The following ATG5 variants were observed in gnomAD, a reference collection of about 807,000 sequenced individuals.
ATG5 encodes the protein autophagy protein 5.
Under a neutral mutation model 36.5 loss-of-function variants are expected in ATG5, and 14 were observed. The ratio of observed to expected loss-of-function variants is 0.38; its 90% confidence interval spans 0.25 to 0.60. ATG5 has a LOEUF of 0.60. ATG5 is among the 20% of genes least tolerant of loss of function. The probability of loss-of-function intolerance (pLI) is 0.60; values close to 1 mark genes in which losing one functional copy is unlikely to be tolerated. For missense variants in ATG5, 195 were observed against 326.7 expected, an observed-to-expected ratio of 0.60 and a Z score of 3.11; for synonymous variants, 95 against 101.5, an observed-to-expected ratio of 0.94 and a Z score of 0.38.
chr6:106,264,732 C>G (rs1276458193), intron 5 of ATG5, among the ~76,000 whole-genome samples: 1 of 152,148 alleles, frequency 6.6e-6, no homozygotes, highest in African/African-American at 2.4e-5. Context: ...AATTTCATAT[C>G]CAGCCAAACT....
At chr6:106,229,433 AGAGGAGAGAGAGAGAGACAGG>A (rs1470643037) in intron 6 of ATG5, among the ~76,000 whole-genome samples, 1 of 150,000 alleles carries the variant, frequency 6.7e-6, no homozygotes, top group East Asian at 1.9e-4. Flanking sequence ...AGAGAGACAG[AGAGGAGAGAGAGAGAGACAGG>A]GAGGACAGGG....
intron 7 of ATG5, among the ~76,000 whole-genome samples, chr6:106,190,237 G>A (rs1339325101): frequency 2.0e-5 from 3 of 152,158 alleles, no homozygotes; most frequent in Non-Finnish European, 4.4e-5. Context: ...CTGGAGGCTG[G>A]AAAATCCAAG....
intron 6 of ATG5, among the ~76,000 whole-genome samples, chr6:106,239,443 TA>T (rs1385012561): frequency 1.3e-5 from 2 of 152,208 alleles, no homozygotes; most frequent in Non-Finnish European, 2.9e-5. Context: ...TTTCCATCTC[TA>T]ATCAGACAGG....
intron 4 of ATG5, among the ~76,000 whole-genome samples, chr6:106,291,523 CG>C (rs1332904091): frequency 6.6e-6 from 1 of 151,902 alleles, no homozygotes; most frequent in Non-Finnish European, 1.5e-5. Context: ...TTCAGGAACC[CG>C]ACACACAGAA....
At chr6:106,227,055 TA>T (rs1238602081) in intron 6 of ATG5, among the ~76,000 whole-genome samples, 1 of 151,988 alleles carries the variant, frequency 6.6e-6, no homozygotes, top group Non-Finnish European at 1.5e-5. Context: ...ATAATGGCCC[TA>T]AACTTCCCGA....
At chr6:106,276,103 T>G (rs1423671517) in intron 5 of ATG5, among the ~76,000 whole-genome samples, 2 of 152,232 alleles carry the variant, frequency 1.3e-5, no homozygotes, top group African/African-American at 4.8e-5. Flanking sequence ...ACAAACTGTA[T>G]TAGTGTTTCA....
At chr6:106,319,752 C>T (rs12526668) in intron 1 of ATG5, among the ~76,000 whole-genome samples, 11,402 of 152,176 alleles carry the variant, frequency 0.075, 731 homozygotes, top group Admixed American at 0.22. Flanking sequence ...TAATAGATTC[C>T]GTTAGGGAGA....
intron 3 of ATG5, among the ~76,000 whole-genome samples, chr6:106,302,711 A>C (rs987244560): frequency 3.3e-5 from 5 of 152,034 alleles, no homozygotes; most frequent in African/African-American, 9.7e-5. Flanking sequence ...ACTACAATAG[A>C]ATCAAACTAG....
chr6:106,215,887 A>G (rs755274802), intron 6 of ATG5, among the ~76,000 whole-genome samples: 6 of 152,230 alleles, frequency 3.9e-5, no homozygotes, highest in Non-Finnish European at 7.3e-5. Flanking sequence ...GAATATGTAA[A>G]GAATTTGTAA....
At chr6:106,306,113 A>G (rs907932036) in intron 3 of ATG5, among the ~76,000 whole-genome samples, 9 of 152,232 alleles carry the variant, frequency 5.9e-5, no homozygotes, top group African/African-American at 1.7e-4. Context: ...ACTTTCACAT[A>G]AGCTCTCTAA....
intron 5 of ATG5, among the ~76,000 whole-genome samples, chr6:106,261,466 T>C (rs1173639332): frequency 3.3e-5 from 5 of 152,202 alleles, no homozygotes; most frequent in Admixed American, 6.5e-5. Context: ...AAGGGAAGAA[T>C]TGCTGGAATA....
chr6:106,293,005 A>T (rs1220495048), intron 4 of ATG5, 23 bp downstream of exon 4: 1 of 1,587,326 alleles, frequency 6.3e-7, no homozygotes, highest in East Asian at 2.2e-5. Flanking sequence ...AATGGGACGA[A>T]GGAGAAATGC....
At chr6:106,228,902 C>G (rs1480121714) in intron 6 of ATG5, among the ~76,000 whole-genome samples, 1 of 152,228 alleles carries the variant, frequency 6.6e-6, no homozygotes, top group Admixed American at 6.5e-5. Flanking sequence ...CTTCCACTTT[C>G]AATTTTCCTG....
At chr6:106,266,272 A>G (rs1384191426) in intron 5 of ATG5, among the ~76,000 whole-genome samples, 1 of 152,222 alleles carries the variant, frequency 6.6e-6, no homozygotes, top group Non-Finnish European at 1.5e-5. Flanking sequence ...TATTGGACAC[A>G]TACACACTGC....
chr6:106,212,208 T>C (rs1036992376), intron 6 of ATG5, among the ~76,000 whole-genome samples: 4 of 152,250 alleles, frequency 2.6e-5, no homozygotes, highest in Admixed American at 2.0e-4. Context: ...GTACAACAAT[T>C]ACTAAATTTC....
chr6:106,261,086 G>A (rs9398075), intron 5 of ATG5, among the ~76,000 whole-genome samples: 22,869 of 152,120 alleles, frequency 0.15, 2,059 homozygotes, highest in Non-Finnish European at 0.19. Context: ...ACAGAGACTA[G>A]GCAAGTTTAA....
At chr6:106,202,889 C>T (rs1776487412) in intron 6 of ATG5, among the ~76,000 whole-genome samples, 1 of 152,112 alleles carries the variant, frequency 6.6e-6, no homozygotes, top group Admixed American at 6.5e-5. Context: ...TCTCAAACTC[C>T]TGAGCTCAGG....
At chr6:106,224,928 T>C (rs1777394909) in intron 6 of ATG5, among the ~76,000 whole-genome samples, 1 of 151,928 alleles carries the variant, frequency 6.6e-6, no homozygotes, top group Non-Finnish European at 1.5e-5. Flanking sequence ...AATACATCAA[T>C]TAAAAAAGTG....
At chr6:106,288,604 T>C (rs1418645691) in intron 4 of ATG5, among the ~76,000 whole-genome samples, 1 of 152,350 alleles carries the variant, frequency 6.6e-6, no homozygotes, top group African/African-American at 2.4e-5. Context: ...TAGATCTTCA[T>C]TGTTCTCTAA....
Sources: gnomAD v4.1 joint callset for allele counts (sites outside exome capture counted in the v4.1 genomes callset) on GRCh38, gnomAD v4.1.1 for gene constraint, MANE v1.5 for transcripts, NCBI Gene and HGNC (gene_info 2026-07-23, HGNC 2026-07-21) for gene names.